Variants in FGF14 observed in about 807,000 individuals in gnomAD.
The protein encoded by FGF14 is fibroblast growth factor homologous factor 4.
FGF14 carries 5 observed loss-of-function variants against 25.5 expected under a neutral mutation model. The ratio of observed to expected loss-of-function variants is 0.20; its 90% CI spans 0.10 to 0.41. The LOEUF (loss-of-function observed/expected upper bound fraction) is 0.41. Among genes scored for constraint, FGF14 ranks in the 10% least tolerant of loss-of-function variants. The pLI, the probability that FGF14 is intolerant of heterozygous loss-of-function variation, is 1.00. For missense variants in FGF14, 222 were observed against 320.1 expected (o/e 0.69, Z 2.34); for synonymous variants, 138 against 118.3 (o/e 1.17, Z -1.08).
At chr13:102,379,180 T>C (rs559495172) in intron 1 of FGF14, among the ~76,000 whole-genome samples, 1 of 152,286 alleles carries the variant, frequency 6.6e-6, no homozygotes, top group African/African-American at 2.4e-5. Flanking sequence ...TTATTTGTAC[T>C]GAAAGAGCTC....
intron 1 of FGF14, among the ~76,000 whole-genome samples, chr13:102,154,189 A>G (rs886990084): frequency 2.0e-5 from 3 of 152,206 alleles, no homozygotes; most frequent in Non-Finnish European, 2.9e-5. Flanking sequence ...CTCCCCGAGA[A>G]GAGCAACTCC....
chr13:102,227,613 G>A (rs981996123), intron 1 of FGF14, among the ~76,000 whole-genome samples: 3 of 152,046 alleles, frequency 2.0e-5, no homozygotes, highest in South Asian at 2.1e-4. Context: ...TCTATGCAAC[G>A]TCAGTCATAC....
chr13:102,161,632 A>AT lies in FGF14; in HGVS notation c.208+239838_208+239839insA, dbSNP rs1566764778. ...GAAGAAGAAGAAGAAGAAGAAGAAG[A>AT]AGAAGAAGAAGAAGAAGAAGAAGAA... On this transcript the variant is annotated intron_variant, in intron 1 of 4. Coordinates refer to the FGF14 transcript ENST00000376131. Among the ~76,000 whole-genome samples, 61 of 12,122 alleles carry AT rather than the reference A, an allele frequency of 5.0e-3. 5 individuals are homozygous for AT. Among genetic ancestry groups the AT allele is most frequent in the African/African-American group, 0.023 (56 of 2,442 alleles). 8.0% of individuals were successfully genotyped at this position (12,122 alleles called of 152,430 possible). A position where few individuals can be genotyped will look rare whatever the true frequency, so the allele number is the denominator to read the frequency against.
chr13:101,884,684 T>C (rs1258677900), intron 1 of FGF14, among the ~76,000 whole-genome samples: 1 of 152,094 alleles, frequency 6.6e-6, no homozygotes, highest in African/African-American at 2.4e-5. Context: ...GCTGAAAGTG[T>C]TCAAGCAGTT....
intron 1 of FGF14, among the ~76,000 whole-genome samples, chr13:102,109,914 C>G (rs12873368): frequency 3.3e-5 from 5 of 152,054 alleles, no homozygotes; most frequent in African/African-American, 1.2e-4. Context: ...GCCACCACAG[C>G]CAGATGGTAA....
chr13:102,199,032 T>C (rs1043847162), intron 1 of FGF14, among the ~76,000 whole-genome samples: 1 of 152,234 alleles, frequency 6.6e-6, no homozygotes, highest in Non-Finnish European at 1.5e-5. Flanking sequence ...TGGCTTAAGC[T>C]GATATAAATC....
chr13:101,846,790 G>A (rs1432108685), intron 3 of FGF14, among the ~76,000 whole-genome samples: 1 of 152,024 alleles, frequency 6.6e-6, no homozygotes, highest in East Asian at 1.9e-4. Flanking sequence ...GGCTTTAAAA[G>A]TGTATGCGAA....
intron 1 of FGF14, among the ~76,000 whole-genome samples, chr13:102,260,111 GGAGGAA>G (rs2052648647): frequency 6.6e-6 from 1 of 152,088 alleles, no homozygotes; most frequent in African/African-American, 2.4e-5. Flanking sequence ...AAGAGAAGGG[GGAGGAA>G]GAGGAAGAGA....
chr13:102,314,572 A>G (rs936089321), intron 1 of FGF14, among the ~76,000 whole-genome samples: 1 of 152,232 alleles, frequency 6.6e-6, no homozygotes, highest in Non-Finnish European at 1.5e-5. Flanking sequence ...CAGAGAGCTG[A>G]AAGTATAGTT....
chr13:101,956,641 C>G (rs2036530717), intron 1 of FGF14, among the ~76,000 whole-genome samples: 1 of 151,776 alleles, frequency 6.6e-6, no homozygotes, highest in Non-Finnish European at 1.5e-5. Flanking sequence ...ATAATATCCA[C>G]AAGCTATTTA....
intron 1 of FGF14, among the ~76,000 whole-genome samples, chr13:101,985,864 AG>A (rs2038546327): frequency 1.3e-5 from 2 of 152,106 alleles, no homozygotes; most frequent in African/African-American, 4.8e-5. Flanking sequence ...CTTAAAAAAA[AG>A]TTCTCAAAAT....
At chr13:101,875,043 A>C in intron 2 of FGF14, 143 bp downstream of exon 2, 2 of 694,582 alleles carry the variant, frequency 2.9e-6, no homozygotes, top group South Asian at 3.1e-5. Context: ...TTTAAATAAA[A>C]TTGTAAATGG....
intron 1 of FGF14, among the ~76,000 whole-genome samples, chr13:102,298,641 CT>C (rs370516094): frequency 2.0e-3 from 311 of 152,054 alleles, no homozygotes; most frequent in African/African-American, 7.3e-3. Flanking sequence ...CTTCTGTCAC[CT>C]TTTTTTCCCT....
chr13:101,739,094 T>TAC (rs1314498680), intron 3 of FGF14, among the ~76,000 whole-genome samples: 1 of 83,316 alleles, frequency 1.2e-5, no homozygotes, highest in Non-Finnish European at 2.4e-5. Flanking sequence ...TAACAGTATA[T>TAC]ATATATATAT....
chr13:101,722,936 A>G lies in FGF14; in HGVS notation c.639T>C (p.Asp213=). ...VAMYREPSLH[D]VGETVPKPGV... is the part of the protein sequence containing the mutation. The stretch of plus-strand genomic sequence containing the variant: ...CAGGCTTCGGGACCGTTTCCCCAAC[A>G]TCATGCAAAGATGGTTCTCGGTACA... The change falls in exon 5 of 5, where the codon GAT becomes GAC. Residue 213 remains aspartate, a synonymous_variant. Coordinates refer to ENST00000376143, the MANE Select transcript of FGF14 (RefSeq NM_004115.4). 2 of 1,613,302 alleles carry G rather than the reference A, an allele frequency of 1.2e-6. No individual in the cohort carries two copies. The highest frequency in any genetic ancestry group is 1.7e-6 in the Non-Finnish European group (2 of 1,179,516).
At chr13:101,802,533 C>T (rs9518561) in intron 3 of FGF14, 156,577 of 158,042 alleles carry the variant, frequency 0.99, 77,589 homozygotes, top group Middle Eastern at 1. Context: ...GAAGTGTCTA[C>T]TGCCCTCACT....
intron 1 of FGF14, among the ~76,000 whole-genome samples, chr13:102,070,609 A>G (rs2043114503): frequency 6.6e-6 from 1 of 152,228 alleles, no homozygotes; most frequent in Non-Finnish European, 1.5e-5. Context: ...TGTTCACAAT[A>G]CCCAAGATTT....
intron 1 of FGF14, among the ~76,000 whole-genome samples, chr13:101,950,967 G>A (rs376089490): frequency 2.0e-5 from 3 of 152,098 alleles, no homozygotes; most frequent in Non-Finnish European, 2.9e-5. Flanking sequence ...TTTTTGGTAC[G>A]TAAAACTACT....
At chr13:102,149,378 G>A (rs954759152) in intron 1 of FGF14, among the ~76,000 whole-genome samples, 1 of 152,068 alleles carries the variant, frequency 6.6e-6, no homozygotes, top group African/African-American at 2.4e-5. Flanking sequence ...TAAGTCAACA[G>A]GCTTCTGTAC....
Sources: gnomAD v4.1 joint callset for allele counts (sites outside exome capture counted in the v4.1 genomes callset) on GRCh38, gnomAD v4.1.1 for gene constraint, MANE v1.5 for transcripts, NCBI Gene and HGNC (gene_info 2026-07-23, HGNC 2026-07-21) for gene names.